The following ABI2 variants were observed in gnomAD, a reference collection of about 807,000 sequenced individuals.
ABI2 encodes the protein abelson interactor 2.
In ABI2, 25 loss-of-function variants were observed where a neutral mutation model predicts 59.2. The ratio of observed to expected loss-of-function variants is 0.42; its 90% CI spans 0.31 to 0.59. ABI2 has a LOEUF of 0.59. ABI2 is among the 20% of genes least tolerant of loss of function. The pLI is 0.14. For synonymous variants in ABI2, 213 were observed against 235.5 expected (o/e 0.90, Z 0.87); for missense variants, 545 against 681.8 (o/e 0.80, Z 2.23).
intron 1 of ABI2, chr2:203,342,069 ATTT>A: frequency 3.0e-6 from 1 of 336,440 alleles, no homozygotes; most frequent in South Asian, 2.4e-5. Context: ...AATTATGTTC[ATTT>A]TTTTTTTGCC....
rs954163291 is a variant in ABI2, at chr2:203,429,269, G to A, written c.*1917G>A. The A allele has an allele frequency of 6.6e-6, 1 of 152,178 alleles. No individual in the cohort carries two copies. Among genetic ancestry groups the A allele is most frequent in the Non-Finnish European group, 1.5e-5 (1 of 68,046 alleles). The allele number at this position is 152,178 out of a possible 1,614,324, so 9.4% of individuals were successfully genotyped here. ...TGTTTTCCTGCAGTGTAATGGCCCT[G>A]AATGTCCTCTGAGCCTTCAGCTCCA... On this transcript the variant is annotated 3_prime_UTR_variant, in exon 12 of 12. Coordinates refer to ENST00000261018, the MANE Select transcript of ABI2 (RefSeq NM_001375670.1).
intron 1 of ABI2, among the ~76,000 whole-genome samples, chr2:203,349,002 G>T (rs1293076496): frequency 6.6e-6 from 1 of 150,390 alleles, no homozygotes; most frequent in Non-Finnish European, 1.5e-5. Context: ...GTGTGATCTC[G>T]GCTCACTGCA....
At chr2:203,356,864 G>A (rs2092208572) in intron 1 of ABI2, among the ~76,000 whole-genome samples, 1 of 150,322 alleles carries the variant, frequency 6.7e-6, no homozygotes. Flanking sequence ...TTTTTTTTAG[G>A]TAATAAGATG....
intron 2 of ABI2, among the ~76,000 whole-genome samples, chr2:203,373,596 A>G (rs920928322): frequency 3.9e-5 from 6 of 152,186 alleles, no homozygotes; most frequent in East Asian, 1.9e-4. Flanking sequence ...GTACTTATCC[A>G]TGTTCAAGTT....
chr2:203,397,146 A>G (rs2097033219), intron 8 of ABI2, among the ~76,000 whole-genome samples, 179 bp downstream of exon 8: 1 of 152,332 alleles, frequency 6.6e-6, no homozygotes, highest in East Asian at 1.9e-4. Context: ...AAATTGAGGT[A>G]AAGTTTCTCA....
chr2:203,376,024 T>C, intron 2 of ABI2: 1 of 1,435,858 alleles, frequency 7.0e-7, no homozygotes, highest in Non-Finnish European at 9.4e-7. Context: ...AGATGTTTTT[T>C]AAAAGTTATT....
intron 8 of ABI2, among the ~76,000 whole-genome samples, chr2:203,399,838 G>GT (rs1484942349): frequency 6.6e-6 from 1 of 152,030 alleles, no homozygotes; most frequent in Non-Finnish European, 1.5e-5. Context: ...TTTTGATGTT[G>GT]TATTTCAAAT....
At chr2:203,394,670 C>T (rs910151461) in intron 5 of ABI2, 30 bp from the exon 6 acceptor site, 3 of 1,588,012 alleles carry the variant, frequency 1.9e-6, no homozygotes, top group Non-Finnish European at 1.7e-6. Flanking sequence ...CTTGCTTAAT[C>T]ATACAATACA....
chr2:203,355,677 C>G (rs941052241), intron 1 of ABI2, among the ~76,000 whole-genome samples: 1 of 150,930 alleles, frequency 6.6e-6, no homozygotes, highest in African/African-American at 2.4e-5. Context: ...TAAAAAAATA[C>G]AGAATTAGGC....
In ABI2 at chr2:203,402,681, A is replaced by C; in HGVS notation, c.1139A>C (p.Gln380Pro). ...AGACGCCCTCCTTCCATTACTTCAC[A>C]AACAAGCCTTCAGAATCAGATGAAT... is the stretch of plus-strand genomic sequence containing the variant. ...PYRRPPSITS[Q>P]TSLQNQMNGG... Residue 380 changes from glutamine (Q) to proline (P), a missense_variant, in exon 9 of 12, where the codon CAA (glutamine) becomes CCA (proline). Around this residue, in one of 4 missense-constraint regions of ABI2, gnomAD observed 410 missense variants for 435.6 expected, o/e 0.94. Coordinates refer to ENST00000261018, the MANE Select transcript of ABI2 (RefSeq NM_001375670.1). 3 of 1,607,306 alleles carry C rather than the reference A, an allele frequency of 1.9e-6. No homozygotes were observed. The highest frequency in any genetic ancestry group is 2.5e-6 in the Non-Finnish European group (3 of 1,177,798).
intron 2 of ABI2, among the ~76,000 whole-genome samples, chr2:203,370,672 G>C (rs1246333681): frequency 6.6e-6 from 1 of 152,072 alleles, no homozygotes; most frequent in Non-Finnish European, 1.5e-5. Flanking sequence ...TTTCTAGAGG[G>C]AACCAGGGGG....
intron 9 of ABI2, chr2:203,403,198 C>G (rs551182696): frequency 6.5e-6 from 1 of 152,726 alleles, no homozygotes; most frequent in South Asian, 2.1e-4. Flanking sequence ...GGTGGAAAAA[C>G]TAGGAATTGG....
intron 8 of ABI2, among the ~76,000 whole-genome samples, chr2:203,397,954 A>C (rs1270801262): frequency 6.6e-6 from 1 of 152,212 alleles, no homozygotes; most frequent in Admixed American, 6.5e-5. Context: ...ACCTCCCCCT[A>C]GGCCCCACCT....
At chr2:203,337,453 A>G (rs1356146789) in intron 1 of ABI2, among the ~76,000 whole-genome samples, 4 of 152,244 alleles carry the variant, frequency 2.6e-5, no homozygotes, top group Admixed American at 2.0e-4. Context: ...AGGTCTGTAC[A>G]CTAAAAACTA....
chr2:203,394,369 T>A, intron 5 of ABI2: 1 of 204,584 alleles, frequency 4.9e-6, no homozygotes. Flanking sequence ...TTTAATATGA[T>A]ACTAAAAGAA....
At chr2:203,331,348 CTTTTTTTTT>C (rs201209202) in intron 1 of ABI2, among the ~76,000 whole-genome samples, 1 of 85,302 alleles carries the variant, frequency 1.2e-5, no homozygotes, top group African/African-American at 4.4e-5. Flanking sequence ...TCAATTTAGC[CTTTTTTTTT>C]TTTTTTTTTT....
chr2:203,404,494 T>C (rs2153460809), intron 9 of ABI2, among the ~76,000 whole-genome samples: 1 of 152,334 alleles, frequency 6.6e-6, no homozygotes, highest in Non-Finnish European at 1.5e-5. Context: ...TTAAACCATG[T>C]TTTCAAACTC....
rs765109777 is a variant in ABI2 at position 203,416,987 on chromosome 2, A to G, written c.1359A>G (p.Glu453=). ...DESPPPPPPP[E]DYEEEEAAVV... is the part of the protein sequence containing the mutation. ...CTCCCCCACCTCCTCCTCCTCCAGA[A>G]GATTACGAAGAGGAGGAAGCTGCTG... Residue 453 remains glutamate, a synonymous_variant, in exon 11 of 12, where the codon GAA becomes GAG. Transcript: ENST00000261018. 1.9e-6 allele frequency: 3 copies of G among 1,614,010 alleles called. No individual in the cohort carries two copies. Among genetic ancestry groups the G allele is most frequent in the East Asian group, 2.2e-5 (1 of 44,882 alleles).
At chr2:203,413,709 T>C (rs750858823) in intron 10 of ABI2, among the ~76,000 whole-genome samples, 8 of 152,228 alleles carry the variant, frequency 5.3e-5, no homozygotes, top group Non-Finnish European at 8.8e-5. Flanking sequence ...TTAAACTCTT[T>C]AAAACATTCA....
Sources: gnomAD v4.1 joint callset for allele counts (sites outside exome capture counted in the v4.1 genomes callset) on GRCh38, gnomAD v4.1.1 for gene constraint, gnomAD v4.1.1 regional missense constraint, MANE v1.5 for transcripts, NCBI Gene and HGNC (gene_info 2026-07-23, HGNC 2026-07-21) for gene names.